C1QTNF3: variants seen among roughly 807,000 people sequenced by gnomAD.
The protein encoded by C1QTNF3 is C1q and TNF related 3, also known as complement C1q tumor necrosis factor-related protein 3.
In C1QTNF3, 26 loss-of-function variants were observed where a neutral mutation model predicts 32.6. The observed-to-expected ratio is 0.80, with a 90% CI of 0.58 to 1.11. The LOEUF is 1.11. Ranked by LOEUF, C1QTNF3 falls within the 50% of genes least tolerant of loss-of-function variation. C1QTNF3 has a pLI of 0.00. For missense variants in C1QTNF3, 362 were observed against 398.2 expected (o/e 0.91, Z 0.77); for synonymous variants, 155 against 146.0 (o/e 1.06, Z -0.44).
At chr5:34,218,821 A>G in the C1QTNF3 span, among the ~76,000 whole-genome samples, 1 of 152,128 alleles carries the variant, frequency 6.6e-6, no homozygotes, top group Non-Finnish European at 1.5e-5. Context: ...GAATTTTAAA[A>G]GAATTAGTAT....
rs183197306 is a variant in C1QTNF3 at position 34,018,146 on chromosome 5, A to C, written c.*2437T>G. 1.3e-3 allele frequency among the ~76,000 whole-genome samples: 196 copies of C among 152,042 alleles called. 4 individuals are homozygous for C. The highest frequency in any genetic ancestry group is 4.4e-5 in the Non-Finnish European group (3 of 67,962). Reference sequence around the variant, plus strand: ...CATGCAGGAAAAGACTGAAATAAACACTTTAAAATAGTAATATTATTTAAT... The same window carrying C: ...CATGCAGGAAAAGACTGAAATAAACCCTTTAAAATAGTAATATTATTTAAT... On this transcript the variant is annotated 3_prime_UTR_variant, in exon 6 of 6. Transcript: ENST00000382065.
chr5:34,169,644 A>C, the C1QTNF3 span, among the ~76,000 whole-genome samples: 1 of 151,968 alleles, frequency 6.6e-6, no homozygotes. Flanking sequence ...TTTTAGTTTG[A>C]TATAGTCCAA....
At chr5:34,212,963 T>G in the C1QTNF3 span, among the ~76,000 whole-genome samples, 4 of 152,116 alleles carry the variant, frequency 2.6e-5, no homozygotes, top group African/African-American at 9.7e-5. Context: ...CACGTATGTT[T>G]ATTGCGGCAC....
At chr5:34,044,124 C>T (rs1301394460), upstream of C1QTNF3, among the ~76,000 whole-genome samples, 2 of 152,092 alleles carry the variant, frequency 1.3e-5, no homozygotes, top group Admixed American at 1.3e-4. Flanking sequence ...GCACCAAACA[C>T]GTTATTTCAA....
At chr5:34,063,252 C>G in the C1QTNF3 span, among the ~76,000 whole-genome samples, 1 of 151,972 alleles carries the variant, frequency 6.6e-6, no homozygotes, top group Non-Finnish European at 1.5e-5. Context: ...CTCTTTCTCT[C>G]TCTTTCTTTG....
the C1QTNF3 span, among the ~76,000 whole-genome samples, chr5:34,138,100 A>C: frequency 6.6e-6 from 1 of 151,492 alleles, no homozygotes; most frequent in South Asian, 2.1e-4. Context: ...TCTGCAAGCC[A>C]AGGAGAGGCC....
the C1QTNF3 span, chr5:34,167,866 T>A: frequency 6.6e-6 from 1 of 152,198 alleles, no homozygotes; most frequent in South Asian, 2.1e-4. Flanking sequence ...AGTTTGGTTT[T>A]CCAGAGTATC....
the C1QTNF3 span, among the ~76,000 whole-genome samples, chr5:34,181,437 C>T: frequency 6.6e-6 from 1 of 152,304 alleles, no homozygotes; most frequent in African/African-American, 2.4e-5. Flanking sequence ...CTGAGCACAC[C>T]CCTATTCCCC....
chr5:34,228,201 TTTC>T, the C1QTNF3 span, among the ~76,000 whole-genome samples: 274 of 152,098 alleles, frequency 1.8e-3, 3 homozygotes, highest in African/African-American at 6.2e-3. Flanking sequence ...GTCTAAGGTA[TTTC>T]TTCTTTCTGT....
At chr5:34,043,290 G>T, upstream of C1QTNF3, 1 of 664,158 alleles carries the variant, frequency 1.5e-6, no homozygotes, top group Admixed American at 3.0e-5. Context: ...AGTGACAGCA[G>T]CCCTCCTCCC....
chr5:34,075,876 G>GGTGTGTGTGT, the C1QTNF3 span, among the ~76,000 whole-genome samples: 630 of 147,022 alleles, frequency 4.3e-3, 5 homozygotes, highest in Non-Finnish European at 7.0e-3. Flanking sequence ...AAACAATTAT[G>GGTGTGTGTGT]GTGTGTGTGT....
chr5:34,124,491 G>C, the C1QTNF3 span: 10 of 714,898 alleles, frequency 1.4e-5, 1 homozygote, highest in South Asian at 1.5e-4. Context: ...GTCACGATGA[G>C]ACCAGGAGCA....
the C1QTNF3 span, among the ~76,000 whole-genome samples, chr5:34,147,995 G>C: frequency 3.3e-5 from 5 of 152,102 alleles, no homozygotes; most frequent in Non-Finnish European, 7.4e-5. Context: ...GCCAGTGTGT[G>C]TGCGCACCAT....
the C1QTNF3 span, among the ~76,000 whole-genome samples, chr5:34,125,897 A>G: frequency 6.6e-6 from 1 of 152,198 alleles, no homozygotes; most frequent in Non-Finnish European, 1.5e-5. Flanking sequence ...CTTTTTCCAC[A>G]AAAAGAGGAA....
chr5:34,085,084 G>A, the C1QTNF3 span, among the ~76,000 whole-genome samples: 5 of 144,404 alleles, frequency 3.5e-5, no homozygotes, highest in African/African-American at 1.1e-4. Flanking sequence ...TCCGCCTCCC[G>A]GGTTCACGCC....
chr5:34,060,778 A>G, the C1QTNF3 span, among the ~76,000 whole-genome samples: 1 of 152,100 alleles, frequency 6.6e-6, no homozygotes, highest in South Asian at 2.1e-4. Context: ...ATTACCTCCC[A>G]CTGGGTCCCT....
chr5:34,063,240 G>A, the C1QTNF3 span, among the ~76,000 whole-genome samples: 23 of 151,568 alleles, frequency 1.5e-4, no homozygotes, highest in East Asian at 3.7e-3. Context: ...TTGACTTTCT[G>A]TCTCTTTCTC....
At chr5:34,142,139 G>C in the C1QTNF3 span, among the ~76,000 whole-genome samples, 3 of 152,182 alleles carry the variant, frequency 2.0e-5, no homozygotes, top group African/African-American at 7.2e-5. Context: ...TCTAATAAAA[G>C]AAACAGAGGC....
chr5:34,217,428 T>C, the C1QTNF3 span, among the ~76,000 whole-genome samples: 12 of 152,280 alleles, frequency 7.9e-5, no homozygotes. Flanking sequence ...ATCAGGAACC[T>C]ATACACTTAC....
Sources: gnomAD v4.1 joint callset for allele counts (sites outside exome capture counted in the v4.1 genomes callset) on GRCh38, gnomAD v4.1.1 for gene constraint, MANE v1.5 for transcripts, NCBI Gene and HGNC (gene_info 2026-07-23, HGNC 2026-07-21) for gene names.